ARMC2: variants seen among roughly 807,000 people sequenced by gnomAD.
ARMC2 encodes the protein armadillo repeat containing 2.
In ARMC2, 67 loss-of-function variants were observed where a neutral mutation model predicts 90.3. The observed-to-expected ratio is 0.74, with a 90% CI of 0.61 to 0.91. The LOEUF is 0.91. Ranked by LOEUF, ARMC2 falls within the 40% of genes least tolerant of loss-of-function variation. The pLI is 0.00. For synonymous variants in ARMC2, 393 were observed against 393.0 expected, an observed-to-expected ratio of 1.00 and a Z score of 0.00; for missense variants, 920 against 1,030.9, an observed-to-expected ratio of 0.89 and a Z score of 1.47.
the ARMC2 span, chr6:108,994,532 C>T: frequency 6.2e-7 from 1 of 1,613,540 alleles, no homozygotes; most frequent in Non-Finnish European, 8.5e-7. Context: ...CCTGACTTGC[C>T]TCTTCTTCAT....
At position 108,904,371 on chromosome 6, in the gene ARMC2, C is replaced by A. The variant is rs760161977; in HGVS notation, c.989C>A (p.Ser330Ter). The A allele has an allele frequency of 8.7e-6, 14 of 1,611,830 alleles. No individual in the cohort carries two copies. Among genetic ancestry groups the A allele is most frequent in the Non-Finnish European group, 1.1e-5 (13 of 1,179,332 alleles). Residue 330 changes from serine (S) to a stop codon, truncating the protein, a stop_gained, in exon 8 of 18, where the codon TCG becomes TAG. Coordinates refer to ENST00000392644, the MANE Select transcript of ARMC2 (RefSeq NM_032131.6). LOFTEE classifies it high-confidence loss of function. ...AAACTAGTTGATGTTGGTTCAGACT[C>A]GCTCAGCCTTAAACTTGCAAAAATA... ...LCKLVDVGSDSLSLKLAKIIL... is the reference protein window; with the variant it reads ...LCKLVDVGSD
chr6:108,892,753 C>G (rs1190955419), intron 5 of ARMC2, among the ~76,000 whole-genome samples: 2 of 135,580 alleles, frequency 1.5e-5, no homozygotes, highest in Admixed American at 7.7e-5. Context: ...GAGTGAAACT[C>G]CATCTCAAAA....
intron 12 of ARMC2, among the ~76,000 whole-genome samples, chr6:108,942,817 G>C (rs1178872835): frequency 6.6e-6 from 1 of 152,046 alleles, no homozygotes; most frequent in African/African-American, 2.4e-5. Context: ...GATCAGCATA[G>C]GTTTCATTTT....
chr6:108,993,030 CA>C, the ARMC2 span: 8 of 606,324 alleles, frequency 1.3e-5, no homozygotes. Flanking sequence ...AGTAGTCTTA[CA>C]ATTATACAAA....
chr6:108,894,461 T>G lies in ARMC2; in HGVS notation c.672-6T>G, dbSNP rs1353606652. 1.9e-6 allele frequency: 3 copies of G among 1,607,714 alleles called. No homozygotes were observed. The highest frequency in any genetic ancestry group is 2.5e-6 in the Non-Finnish European group (3 of 1,177,730). On this transcript the variant is annotated splice_region_variant and splice_polypyrimidine_tract_variant and intron_variant, in intron 5 of 17. Transcript: ENST00000392644. ...TTGCGCTGAGTGTTTTATGTATTCCTCCTAGGGACCAGGGGAAGAGACATG... is the reference window on the plus strand; with the variant it reads ...TTGCGCTGAGTGTTTTATGTATTCCGCCTAGGGACCAGGGGAAGAGACATG...
At chr6:109,004,821 A>G in the ARMC2 span, among the ~76,000 whole-genome samples, 2 of 152,216 alleles carry the variant, frequency 1.3e-5, no homozygotes, top group Admixed American at 1.3e-4. Flanking sequence ...AACAACTGCA[A>G]GTTAACTATG....
intron 12 of ARMC2, among the ~76,000 whole-genome samples, chr6:108,947,798 T>A (rs1309889255): frequency 6.6e-6 from 1 of 151,344 alleles, no homozygotes; most frequent in African/African-American, 2.4e-5. Context: ...AAAGTCGATA[T>A]GAACTGGTTA....
chr6:108,954,858 A>C (rs1418869295), intron 13 of ARMC2, among the ~76,000 whole-genome samples: 1 of 152,208 alleles, frequency 6.6e-6, no homozygotes, highest in Non-Finnish European at 1.5e-5. Flanking sequence ...AAAATCCCGT[A>C]AACTGGGGAG....
At chr6:108,887,017 C>G (rs1032753321) in intron 5 of ARMC2, among the ~76,000 whole-genome samples, 1 of 151,786 alleles carries the variant, frequency 6.6e-6, no homozygotes, top group Non-Finnish European at 1.5e-5. Flanking sequence ...AAGCAATTCT[C>G]TTGCCTCAAC....
intron 8 of ARMC2, among the ~76,000 whole-genome samples, chr6:108,910,089 C>T (rs1393710277): frequency 2.0e-5 from 3 of 152,062 alleles, no homozygotes; most frequent in African/African-American, 7.2e-5. Context: ...AATGCAATTA[C>T]TCTAATCAAA....
At chr6:108,912,962 A>G (rs1773588249) in intron 10 of ARMC2, among the ~76,000 whole-genome samples, 1 of 152,230 alleles carries the variant, frequency 6.6e-6, no homozygotes, top group Non-Finnish European at 1.5e-5. Flanking sequence ...TGTAAGAAAC[A>G]GAAGGTAACG....
the ARMC2 span, chr6:108,993,039 A>G: frequency 1.7e-6 from 1 of 592,432 alleles, no homozygotes; most frequent in South Asian, 2.2e-5. Context: ...ACAATTATAC[A>G]AAGTAGTTTA....
At chr6:109,022,837 A>AG in the ARMC2 span, among the ~76,000 whole-genome samples, 31 of 152,310 alleles carry the variant, frequency 2.0e-4, no homozygotes, top group East Asian at 5.4e-3. Flanking sequence ...CCACACATCA[A>AG]GGGGCCTGAG....
At position 108,953,062 on chromosome 6, in the gene ARMC2, T is replaced by C. The variant is rs1358751354; in HGVS notation, c.1626T>C (p.Leu542=). Residue 542 remains leucine (L), a synonymous_variant, in exon 13 of 18, where the codon CTT becomes CTC. Transcript: ENST00000392644. ...QDLVVRVVFI[L]GNLTAKNNQA... ...TAGTCGTCCGTGTTGTTTTTATTCT[T>C]GGCAACCTGACGGCAAAAAATAACC... is the stretch of plus-strand genomic sequence containing the variant. 1 of 1,612,558 alleles carries C rather than the reference T, an allele frequency of 6.2e-7. No individual in the cohort carries two copies. Among genetic ancestry groups the C allele is most frequent in the South Asian group, 1.1e-5 (1 of 90,760 alleles).
At chr6:108,873,561 T>C (rs1333859638) in intron 4 of ARMC2, among the ~76,000 whole-genome samples, 2 of 152,178 alleles carry the variant, frequency 1.3e-5, no homozygotes, top group Non-Finnish European at 2.9e-5. Context: ...CAATGCTGAA[T>C]GGAAATGTGG....
downstream of ARMC2, among the ~76,000 whole-genome samples, chr6:108,978,958 A>C (rs553586671): frequency 6.6e-6 from 1 of 152,170 alleles, no homozygotes; most frequent in East Asian, 1.9e-4. Flanking sequence ...CCAATTTGCC[A>C]GTCTGTGTCT....
the ARMC2 span, chr6:108,987,464 G>C: frequency 3.0e-6 from 2 of 665,122 alleles, no homozygotes; most frequent in Non-Finnish European, 5.2e-6. Context: ...GTCTACCATT[G>C]GTCCTGGGGC....
chr6:108,927,946 A>G, intron 10 of ARMC2, 142 bp from the exon 11 acceptor site: 1 of 804,690 alleles, frequency 1.2e-6, no homozygotes, highest in Non-Finnish European at 1.8e-6. Context: ...CTAGGCTCAC[A>G]TTCCCTGGTG....
chr6:108,916,552 T>C (rs954883756), intron 10 of ARMC2, among the ~76,000 whole-genome samples: 1 of 152,216 alleles, frequency 6.6e-6, no homozygotes, highest in Non-Finnish European at 1.5e-5. Context: ...AAACTGTGCA[T>C]GTTCACTGAA....
Sources: gnomAD v4.1 joint callset for allele counts (sites outside exome capture counted in the v4.1 genomes callset) on GRCh38, gnomAD v4.1.1 for gene constraint, MANE v1.5 for transcripts, NCBI Gene and HGNC (gene_info 2026-07-23, HGNC 2026-07-21) for gene names.